The following DCAF17 variants were observed in gnomAD, a reference collection of about 807,000 sequenced individuals.
DCAF17 encodes the protein DDB1- and CUL4-associated factor 17.
A neutral mutation model predicts 66.0 loss-of-function variants in DCAF17; 48 were observed. That is an observed-to-expected ratio of 0.73 (90% CI 0.58 to 0.92). The LOEUF (loss-of-function observed/expected upper bound fraction) is 0.92. Among genes scored for constraint, DCAF17 ranks in the 40% least tolerant of loss-of-function variants. The pLI is 0.00. For synonymous variants in DCAF17, 206 were observed against 214.6 expected (o/e 0.96, Z 0.35); for missense variants, 562 against 622.8 (o/e 0.90, Z 1.04).
At chr2:171,456,458 G>C (rs2105769516) in intron 6 of DCAF17, among the ~76,000 whole-genome samples, 1 of 152,254 alleles carries the variant, frequency 6.6e-6, no homozygotes. Context: ...TGTTCTTTTT[G>C]CTTAGGATTG....
In DCAF17 at chr2:171,481,326, C is replaced by A; in HGVS notation, c.*212C>A. ...TTAAAGGTTTTTTAGAATACTGTTCCAAGAAGTTTAGTGTTTTGCAGCTTT... is the reference window on the plus strand; with the variant it reads ...TTAAAGGTTTTTTAGAATACTGTTCAAAGAAGTTTAGTGTTTTGCAGCTTT... On this transcript the variant is annotated 3_prime_UTR_variant, in exon 14 of 14. Coordinates refer to ENST00000375255, the MANE Select transcript of DCAF17 (RefSeq NM_025000.4). The A allele has an allele frequency of 1.5e-6, 1 of 653,430 alleles. No homozygotes were observed. The highest frequency in any genetic ancestry group is 2.8e-6 in the Non-Finnish European group (1 of 361,308). 40.5% of individuals were successfully genotyped at this position (653,430 alleles called of 1,614,324 possible). A position where few individuals can be genotyped will look rare whatever the true frequency, so the allele number is the denominator to read the frequency against.
At chr2:171,456,371 G>GTA (rs2105769293) in intron 6 of DCAF17, among the ~76,000 whole-genome samples, 1 of 152,244 alleles carries the variant, frequency 6.6e-6, no homozygotes, top group East Asian at 1.9e-4. Context: ...TTCTGTTCTT[G>GTA]TACCAGTACC....
At chr2:171,467,967 C>T (rs1205371383) in intron 8 of DCAF17, among the ~76,000 whole-genome samples, 1 of 151,956 alleles carries the variant, frequency 6.6e-6, no homozygotes, top group African/African-American at 2.4e-5. Flanking sequence ...ATAGTAGTGG[C>T]CTCATAAACT....
rs574039636 is a variant in DCAF17 at position 171,451,647 on chromosome 2, C to T, written c.538-1477C>T. On this transcript the variant is annotated intron_variant, in intron 5 of 13. Transcript: ENST00000375255. Reference sequence around the variant, plus strand: ...CTAGAGTGTCGTGGTGAGCTCTCAGCTCACTGCATCCTCTGCCTCCCAGGT... The same window carrying T: ...CTAGAGTGTCGTGGTGAGCTCTCAGTTCACTGCATCCTCTGCCTCCCAGGT... Among the ~76,000 whole-genome samples, 3 of 152,348 alleles carry T rather than the reference C, an allele frequency of 2.0e-5. No individual in the cohort carries two copies. The East Asian group carries it at 5.8e-4, about 29-fold the overall frequency.
intron 4 of DCAF17, 64 bp from the exon 5 acceptor site, chr2:171,449,815 A>G: frequency 3.0e-6 from 3 of 1,006,056 alleles, no homozygotes; most frequent in Non-Finnish European, 4.5e-6. Context: ...AAAATATAAT[A>G]TTTTGGTTTT....
At position 171,434,418 on chromosome 2, in the gene DCAF17, C is replaced by A; in HGVS notation, c.-160C>A. The A allele has an allele frequency of 7.9e-7, 1 of 1,267,602 alleles. No individual in the cohort carries two copies. The highest frequency in any genetic ancestry group is 1.1e-6 in the Non-Finnish European group (1 of 907,624). 78.5% of individuals were successfully genotyped at this position (1,267,602 alleles called of 1,614,324 possible). ...GCGGCTCTGCTTTCCCTCGCCCCGC[C>A]GTCGGGTGCTCCCTGCCCGCCTCCC... On this transcript the variant is annotated 5_prime_UTR_variant, in exon 1 of 14. Transcript: ENST00000375255.
intron 9 of DCAF17, among the ~76,000 whole-genome samples, chr2:171,471,297 G>A (rs1444876001): frequency 6.6e-6 from 1 of 152,126 alleles, no homozygotes; most frequent in African/African-American, 2.4e-5. Flanking sequence ...AATGTAAGCA[G>A]CCGAACTTAA....
At chr2:171,450,080 C>A in intron 5 of DCAF17, 123 bp downstream of exon 5, 1 of 824,724 alleles carries the variant, frequency 1.2e-6, no homozygotes, top group Non-Finnish European at 2.0e-6. Flanking sequence ...ATAGGATTCA[C>A]GGCAACCTGG....
intron 5 of DCAF17, among the ~76,000 whole-genome samples, chr2:171,451,001 A>C (rs1446974269): frequency 6.6e-6 from 1 of 151,914 alleles, no homozygotes; most frequent in African/African-American, 2.4e-5. Flanking sequence ...AAATTTCTGT[A>C]ATATGGACTG....
rs1298947910 is a variant in DCAF17, at chr2:171,481,417, G to A, written c.*303G>A. On this transcript the variant is annotated 3_prime_UTR_variant, in exon 14 of 14. Coordinates refer to ENST00000375255, the MANE Select transcript of DCAF17 (RefSeq NM_025000.4). ...AAAGGACAGGTTAATTCCAATTGTT[G>A]AGGAGTTAAGTCATTGATGGGGTGG... The A allele has an allele frequency of 2.1e-6, 1 of 483,888 alleles. No individual in the cohort carries two copies. Among genetic ancestry groups the A allele is most frequent in the Admixed American group, 2.3e-5 (1 of 43,404 alleles). 30.0% of individuals were successfully genotyped at this position (483,888 alleles called of 1,614,324 possible).
chr2:171,480,516 C>G (rs1696693457), intron 13 of DCAF17, among the ~76,000 whole-genome samples: 1 of 151,984 alleles, frequency 6.6e-6, no homozygotes, highest in African/African-American at 2.4e-5. Flanking sequence ...TACGGTAATC[C>G]CCACAATTAT....
At chr2:171,470,211 T>G (rs1473184050) in intron 9 of DCAF17, among the ~76,000 whole-genome samples, 1 of 151,886 alleles carries the variant, frequency 6.6e-6, no homozygotes, top group African/African-American at 2.4e-5. Flanking sequence ...TTTGTAGAGA[T>G]GGGGCCTCGC....
At chr2:171,457,455 G>A (rs1458331510) in intron 6 of DCAF17, among the ~76,000 whole-genome samples, 4 of 152,078 alleles carry the variant, frequency 2.6e-5, no homozygotes, top group Non-Finnish European at 5.9e-5. Flanking sequence ...AGAGAGATTT[G>A]GTTTTAAATA....
chr2:171,478,059 C>A lies in DCAF17; in HGVS notation c.1255C>A (p.Pro419Thr). 2.5e-6 allele frequency: 4 copies of A among 1,613,526 alleles called. No homozygotes were observed. The highest frequency in any genetic ancestry group is 3.4e-6 in the Non-Finnish European group (4 of 1,179,628). Residue 419 changes from proline to threonine, a missense_variant, in exon 12 of 14, where the codon CCA becomes ACA. By Grantham distance (38) the Pro-to-Thr change is conservative. This residue lies in a region of DCAF17 where 201 missense variants were observed against 231.1 expected (regional missense o/e 0.87). Coordinates refer to ENST00000375255, the MANE Select transcript of DCAF17 (RefSeq NM_025000.4). ...KKSFNLLDDDPEQETFKIVDY... is the reference protein window; with the variant it reads ...KKSFNLLDDDTEQETFKIVDY... ...AAGTTTTAACCTTCTGGATGATGAC[C>A]CAGAACAAGAGGTATTGCTTTGGCC... is the stretch of plus-strand genomic sequence containing the variant.
At chr2:171,474,742 C>G (rs1400416029) in intron 10 of DCAF17, among the ~76,000 whole-genome samples, 1 of 152,218 alleles carries the variant, frequency 6.6e-6, no homozygotes, top group East Asian at 1.9e-4. Context: ...TAAACACTTA[C>G]AGGCATTCTC....
intron 1 of DCAF17, 186 bp downstream of exon 1, chr2:171,434,889 CT>C: frequency 9.5e-7 from 1 of 1,057,882 alleles, no homozygotes; most frequent in South Asian, 1.7e-5. Context: ...TAGTTTTACG[CT>C]TCTTATGTCT....
intron 5 of DCAF17, among the ~76,000 whole-genome samples, chr2:171,452,829 CCAATT>C (rs757473806): frequency 2.0e-5 from 3 of 152,144 alleles, no homozygotes; most frequent in Non-Finnish European, 4.4e-5. Flanking sequence ...TGTTCAAACT[CCAATT>C]CAAAATATAA....
chr2:171,479,357 C>G (rs374119806), intron 12 of DCAF17, among the ~76,000 whole-genome samples: 1 of 152,090 alleles, frequency 6.6e-6, no homozygotes, highest in Non-Finnish European at 1.5e-5. Flanking sequence ...ATCTGCTTTC[C>G]GTGCAAGGTT....
intron 2 of DCAF17, among the ~76,000 whole-genome samples, chr2:171,439,264 T>C (rs945457475): frequency 1.3e-5 from 2 of 152,054 alleles, no homozygotes; most frequent in Non-Finnish European, 2.9e-5. Context: ...TTTTCTCTTT[T>C]TCTTCCTTCT....
Sources: allele counts gnomAD v4.1 joint callset (sites outside exome capture counted in the v4.1 genomes callset), GRCh38; gene constraint gnomAD v4.1.1; regional missense constraint gnomAD v4.1.1; transcripts MANE v1.5; gene names NCBI Gene and HGNC (gene_info 2026-07-23, HGNC 2026-07-21).